Variants in GEMIN5 observed in about 807,000 individuals in gnomAD.
GEMIN5 encodes gem-associated protein 5.
A neutral mutation model predicts 176.9 loss-of-function variants in GEMIN5; 124 were observed. The ratio of observed to expected loss-of-function variants is 0.70; its 90% CI spans 0.61 to 0.81. The LOEUF is 0.81. Among genes scored for constraint, GEMIN5 ranks in the 40% least tolerant of loss-of-function variants. The pLI is 0.00. For synonymous variants in GEMIN5, 673 were observed against 665.2 expected, an observed-to-expected ratio of 1.01 and a Z score of -0.18; for missense variants, 1,843 against 1,814.6, an observed-to-expected ratio of 1.02 and a Z score of -0.28.
intron 1 of GEMIN5, among the ~76,000 whole-genome samples, 192 bp downstream of exon 1, chr5:154,937,776 C>A (rs1764300707): frequency 6.6e-6 from 1 of 152,228 alleles, no homozygotes; most frequent in Admixed American, 6.5e-5. Flanking sequence ...GGAGGCGGGA[C>A]CGCTCGGCCA....
intron 23 of GEMIN5, 59 bp from the exon 24 acceptor site, chr5:154,896,402 G>C (rs816747): frequency 7.4e-5 from 110 of 1,486,038 alleles, no homozygotes; most frequent in East Asian, 9.4e-5. Flanking sequence ...GGATGATCTC[G>C]AGAGCTCTCC....
chr5:154,933,182 C>G (rs547165389), intron 3 of GEMIN5, among the ~76,000 whole-genome samples: 1 of 152,340 alleles, frequency 6.6e-6, no homozygotes, highest in East Asian at 1.9e-4. Flanking sequence ...ATCTCTTCTC[C>G]TTTTCTTCCT....
Position 154,888,165 on chromosome 5 carries a change from G to A in GEMIN5, c.*45C>T, listed in dbSNP as rs1292592160. The A allele has an allele frequency of 1.9e-6, 3 of 1,579,966 alleles. No homozygotes were observed. Among genetic ancestry groups the A allele is most frequent in the Non-Finnish European group, 2.6e-6 (3 of 1,149,242 alleles). On this transcript the variant is annotated 3_prime_UTR_variant, in exon 28 of 28. Transcript: ENST00000285873. ...AGGCATAACTGCAGAGGTGAAAGAT[G>A]TCAAACATTTTCAATTTGGCAGTTT...
At position 154,935,831 on chromosome 5, in the gene GEMIN5, T is replaced by C. The variant is rs1438658378; in HGVS notation, c.509+10A>G. The C allele has an allele frequency of 1.8e-5, 29 of 1,590,094 alleles. No individual in the cohort carries two copies. The highest frequency in any genetic ancestry group is 2.3e-5 in the Non-Finnish European group (27 of 1,159,264). On this transcript the variant is annotated intron_variant, in intron 3 of 27. Coordinates refer to ENST00000285873, the MANE Select transcript of GEMIN5 (RefSeq NM_015465.5). ...ACAAAAATCATCAATACAGATGGCA[T>C]AGTACTTACCCAATGGCTACTAAAT...
intron 23 of GEMIN5, among the ~76,000 whole-genome samples, chr5:154,897,914 G>GTTTTTT (rs35458616): frequency 8.0e-6 from 1 of 124,508 alleles, no homozygotes; most frequent in African/African-American, 3.0e-5. Flanking sequence ...TTTTTTTTGT[G>GTTTTTT]TTTTTTTTTT....
At chr5:154,896,467 A>G (rs1763354866) in intron 23 of GEMIN5, 124 bp from the exon 24 acceptor site, 1 of 921,802 alleles carries the variant, frequency 1.1e-6, no homozygotes, top group Non-Finnish European at 1.5e-6. Flanking sequence ...CACATTAGTG[A>G]GCTACCTGCC....
intron 24 of GEMIN5, among the ~76,000 whole-genome samples, chr5:154,894,678 G>A (rs1763310146): frequency 6.6e-6 from 1 of 152,078 alleles, no homozygotes; most frequent in East Asian, 1.9e-4. Context: ...AGGCCGAAGT[G>A]GGCAAATCAC....
At chr5:154,922,413 C>T (rs922832026) in intron 9 of GEMIN5, among the ~76,000 whole-genome samples, 3 of 151,996 alleles carry the variant, frequency 2.0e-5, no homozygotes, top group South Asian at 2.1e-4. Flanking sequence ...GTGATCTGCC[C>T]GCGTCGGCCT....
intron 3 of GEMIN5, 69 bp from the exon 4 acceptor site, chr5:154,932,319 G>T: frequency 8.5e-7 from 1 of 1,177,164 alleles, no homozygotes; most frequent in Non-Finnish European, 1.2e-6. Flanking sequence ...TAAACATTTT[G>T]GCTTGGAGTT....
chr5:154,927,651 G>T, intron 6 of GEMIN5, 101 bp from the exon 7 acceptor site: 1 of 854,972 alleles, frequency 1.2e-6, no homozygotes, highest in Non-Finnish European at 1.8e-6. Flanking sequence ...ATGATTTGTT[G>T]TCGTTTAAGG....
intron 1 of GEMIN5, 40 bp downstream of exon 1, chr5:154,937,928 C>T: frequency 6.6e-7 from 1 of 1,512,728 alleles, no homozygotes; most frequent in South Asian, 1.3e-5. Context: ...GGGGAGCGTA[C>T]AAAGGGCAGT....
At position 154,928,510 on chromosome 5, in the gene GEMIN5, G is replaced by T; in HGVS notation, c.914+17C>A. The T allele has an allele frequency of 6.2e-7, 1 of 1,612,650 alleles. No homozygotes were observed. The highest frequency in any genetic ancestry group is 1.1e-5 in the South Asian group (1 of 90,868). The stretch of plus-strand genomic sequence containing the variant: ...AAACAAAATATATCTGAGAAAGCAT[G>T]ACCAAAAAAGACTTACCCAAAACAG... On this transcript the variant is annotated intron_variant, in intron 6 of 27. Coordinates refer to ENST00000285873, the MANE Select transcript of GEMIN5 (RefSeq NM_015465.5).
rs1425315786 is a variant in GEMIN5 at position 154,927,498 on chromosome 5, G to A, written c.967C>T (p.Leu323Phe). ...LTQSWRRKYT[L>F]FSASSEGQNH... ...TGCCCTTCTGATGAGGCACTGAAGA[G>A]GGTGTATTTCCGTCTCCAAGATTGA... Residue 323 changes from leucine (L) to phenylalanine (F), a missense_variant, in exon 7 of 28, where the codon CTC becomes TTC. Leu to Phe is a conservative substitution (Grantham distance 22, BLOSUM62 0). Transcript: ENST00000285873. 4.3e-6 allele frequency: 7 copies of A among 1,610,814 alleles called. No homozygotes were observed. The highest frequency in any genetic ancestry group is 5.9e-6 in the Non-Finnish European group (7 of 1,177,072).
intron 16 of GEMIN5, 38 bp from the exon 17 acceptor site, chr5:154,905,514 A>G (rs778712399): frequency 2.1e-6 from 2 of 950,860 alleles, no homozygotes; most frequent in Non-Finnish European, 1.6e-6. Flanking sequence ...AAAGTTAAGG[A>G]TAACAATAAT....
chr5:154,916,091 T>C (rs1003173082), intron 13 of GEMIN5, among the ~76,000 whole-genome samples: 6 of 152,164 alleles, frequency 3.9e-5, no homozygotes, highest in African/African-American at 1.4e-4. Flanking sequence ...TCTCCCTACA[T>C]TGCCCAGGCT....
intron 13 of GEMIN5, among the ~76,000 whole-genome samples, chr5:154,915,096 A>C (rs1368727467): frequency 6.6e-6 from 1 of 152,212 alleles, no homozygotes; most frequent in Non-Finnish European, 1.5e-5. Context: ...AATAATAATC[A>C]TAAGGACCAG....
At chr5:154,926,645 A>G (rs937295530) in intron 7 of GEMIN5, among the ~76,000 whole-genome samples, 1 of 152,226 alleles carries the variant, frequency 6.6e-6, no homozygotes, top group African/African-American at 2.4e-5. Context: ...TACATACACT[A>G]CAAACCAGGA....
In GEMIN5 at chr5:154,888,309, G is replaced by C; in HGVS notation, c.4428C>G (p.Gly1476=). 1.2e-6 allele frequency: 2 copies of C among 1,614,050 alleles called. No individual in the cohort carries two copies. The highest frequency in any genetic ancestry group is 1.7e-6 in the Non-Finnish European group (2 of 1,179,904). The part of the protein sequence containing the change: ...VLLLIRSHFP[G]CLAQEMQQQA... ...GCTGCTGCATTTCCTGGGCCAGACAGCCAGGAAAGTGGGACCTGATGAGAA... is the reference window on the plus strand; with the variant it reads ...GCTGCTGCATTTCCTGGGCCAGACACCCAGGAAAGTGGGACCTGATGAGAA... The change falls in exon 28 of 28, where the codon GGC becomes GGG. Residue 1476 remains glycine (G), a synonymous_variant. Transcript: ENST00000285873.
intron 12 of GEMIN5, 127 bp downstream of exon 12, chr5:154,917,804 C>A: frequency 8.8e-6 from 6 of 684,498 alleles, no homozygotes; most frequent in South Asian, 8.0e-5. Flanking sequence ...CGGAGGATAT[C>A]AAGAATAAAT....
Sources: gnomAD v4.1 joint callset for allele counts (sites outside exome capture counted in the v4.1 genomes callset) on GRCh38, gnomAD v4.1.1 for gene constraint, MANE v1.5 for transcripts, NCBI Gene and HGNC (gene_info 2026-07-23, HGNC 2026-07-21) for gene names.